Variants in RGS5 observed in about 807,000 individuals in gnomAD.
The protein encoded by RGS5 is regulator of G protein signaling 5, also known as regulator of G-protein signalling 5.
Under a neutral mutation model 18.9 loss-of-function variants are expected in RGS5, and 20 were observed. The observed-to-expected ratio is 1.06, with a 90% CI of 0.74 to 1.54. RGS5 has a LOEUF of 1.54. Ranked by LOEUF, RGS5 falls within the 40% of genes most tolerant of loss-of-function variation. RGS5 has a pLI of 0.00. For missense variants in RGS5, 201 were observed against 211.8 expected (o/e 0.95, Z 0.32); for synonymous variants, 57 against 76.2 (o/e 0.75, Z 1.31).
At chr1:163,291,196 A>G (rs1462930523) in intron 2 of RGS5, among the ~76,000 whole-genome samples, 1 of 151,976 alleles carries the variant, frequency 6.6e-6, no homozygotes, top group African/African-American at 2.4e-5. Context: ...TCAAATCTCT[A>G]ATGAAGCTTC....
At chr1:163,284,982 T>C (rs1007691138) in intron 2 of RGS5, among the ~76,000 whole-genome samples, 2 of 152,050 alleles carry the variant, frequency 1.3e-5, no homozygotes, top group African/African-American at 4.8e-5. Context: ...GGCCTCACAA[T>C]CATGGTAGCA....
intron 1 of RGS5, chr1:163,210,670 T>TTTATGTAAGTAA (rs1419331321): frequency 6.6e-6 from 1 of 152,242 alleles, no homozygotes; most frequent in Non-Finnish European, 1.5e-5. Context: ...TGCCTAAAAG[T>TTTATGTAAGTAA]GTTTATAACA....
In RGS5 at chr1:163,144,503, C is replaced by T. The variant is rs1264249276; in HGVS notation, c.*2839G>A. On this transcript the variant is annotated 3_prime_UTR_variant, in exon 5 of 5. Coordinates refer to ENST00000313961, the MANE Select transcript of RGS5 (RefSeq NM_003617.4). ...TATTTCCATTGACCACAATTTGGTT[C>T]CACCACCTTTCTACATCCTCAATTC... 1 of 152,458 alleles carries T rather than the reference C, an allele frequency of 6.6e-6. No individual in the cohort carries two copies. Among genetic ancestry groups the T allele is most frequent in the East Asian group, 1.9e-4 (1 of 5,182 alleles). The allele number at this position is 152,458 out of a possible 1,614,324, so 9.4% of individuals were successfully genotyped here.
intron 1 of RGS5, among the ~76,000 whole-genome samples, chr1:163,309,007 GCTT>G (rs2101647918): frequency 6.6e-6 from 1 of 152,230 alleles, no homozygotes; most frequent in African/African-American, 2.4e-5. Flanking sequence ...TCATCTTTTT[GCTT>G]ATAGAGGGTC....
At chr1:163,298,855 T>G (rs12725358) in intron 2 of RGS5, among the ~76,000 whole-genome samples, 22,511 of 152,188 alleles carry the variant, frequency 0.15, 1,980 homozygotes, top group Non-Finnish European at 0.19. Flanking sequence ...AAATGCTACA[T>G]TTTGAGGTTT....
Position 163,165,076 on chromosome 1 carries a change from C to T in RGS5, c.156-3100G>A, listed in dbSNP as rs377059672. Among the ~76,000 whole-genome samples, 6 of 152,262 alleles carry T rather than the reference C, an allele frequency of 3.9e-5. No homozygotes were observed. The East Asian group carries it at 7.7e-4, about 20-fold the overall frequency. On this transcript the variant is annotated intron_variant, in intron 2 of 4. Transcript: ENST00000313961. Reference sequence around the variant, plus strand: ...ATAACCAGTGGTGACCTGGGCATCACGGTTGGGCATACAGACTTAAGAACA... The same window carrying T: ...ATAACCAGTGGTGACCTGGGCATCATGGTTGGGCATACAGACTTAAGAACA...
intron 2 of RGS5, among the ~76,000 whole-genome samples, chr1:163,283,681 A>G (rs149838607): frequency 1.2e-4 from 18 of 152,272 alleles, no homozygotes; most frequent in African/African-American, 1.4e-4. Flanking sequence ...GGCTCACTCT[A>G]GAGACTCTCC....
At chr1:163,194,265 G>A (rs1347179391) in intron 1 of RGS5, among the ~76,000 whole-genome samples, 1 of 152,138 alleles carries the variant, frequency 6.6e-6, no homozygotes, top group Admixed American at 6.6e-5. Flanking sequence ...AGTCCACTGA[G>A]ATTTTTAAAC....
intron 2 of RGS5, among the ~76,000 whole-genome samples, chr1:163,228,304 C>A (rs1451294114): frequency 2.0e-5 from 3 of 152,244 alleles, no homozygotes; most frequent in African/African-American, 4.8e-5. Context: ...TGGAGGTTCC[C>A]AAACCTCAAT....
intron 2 of RGS5, among the ~76,000 whole-genome samples, chr1:163,299,877 T>A (rs1482732930): frequency 3.3e-5 from 5 of 152,216 alleles, no homozygotes; most frequent in Non-Finnish European, 2.9e-5. Context: ...CAGTGTTTTG[T>A]CACAATTTTT....
chr1:163,300,861 A>G (rs1475978458), intron 2 of RGS5, among the ~76,000 whole-genome samples: 1 of 152,244 alleles, frequency 6.6e-6, no homozygotes, highest in Non-Finnish European at 1.5e-5. Flanking sequence ...AGTGTGTCAC[A>G]GCTGTGCACT....
intron 1 of RGS5, among the ~76,000 whole-genome samples, chr1:163,179,236 C>A (rs12567772): frequency 0.2 from 30,852 of 152,082 alleles, 3,485 homozygotes; most frequent in African/African-American, 0.3. Context: ...CAAACTGCCC[C>A]GATTCATCTT....
At chr1:163,318,601 T>G (rs1321301030) in intron 1 of RGS5, among the ~76,000 whole-genome samples, 1 of 151,990 alleles carries the variant, frequency 6.6e-6, no homozygotes, top group Non-Finnish European at 1.5e-5. Flanking sequence ...GAGTGGACAG[T>G]GCTCACAGGG....
intron 1 of RGS5, chr1:163,211,475 T>G (rs1211262612): frequency 6.6e-6 from 1 of 152,144 alleles, no homozygotes; most frequent in East Asian, 1.9e-4. Context: ...GAGGAGGTGG[T>G]GAAGGCATAG....
upstream of RGS5, among the ~76,000 whole-genome samples, chr1:163,220,469 C>T (rs1306692814): frequency 2.0e-5 from 3 of 152,138 alleles, no homozygotes; most frequent in East Asian, 5.8e-4. Context: ...TCTGCAGTAG[C>T]TCCTCTTTTC....
chr1:163,201,626 G>T (rs1163968018), intron 1 of RGS5, among the ~76,000 whole-genome samples: 1 of 151,988 alleles, frequency 6.6e-6, no homozygotes, highest in Non-Finnish European at 1.5e-5. Flanking sequence ...AGTCTCCCTG[G>T]AGGTTTCATA....
At chr1:163,204,398 G>A (rs899379012), upstream of RGS5, among the ~76,000 whole-genome samples, 4 of 151,988 alleles carry the variant, frequency 2.6e-5, no homozygotes, top group Admixed American at 2.0e-4. Flanking sequence ...ACCAGAGACT[G>A]GAGTGAAGTG....
At chr1:163,270,447 A>G (rs1648690481) in intron 2 of RGS5, among the ~76,000 whole-genome samples, 1 of 151,638 alleles carries the variant, frequency 6.6e-6, no homozygotes, top group South Asian at 2.1e-4. Flanking sequence ...TTGAACCCAG[A>G]AGGTCAAGGC....
At chr1:163,302,522 T>C (rs572598554) in intron 2 of RGS5, among the ~76,000 whole-genome samples, 3 of 152,232 alleles carry the variant, frequency 2.0e-5, no homozygotes, top group Non-Finnish European at 4.4e-5. Flanking sequence ...GCTACTGGTA[T>C]GCATTGTCAC....
Sources: gnomAD v4.1 joint callset for allele counts (sites outside exome capture counted in the v4.1 genomes callset) on GRCh38, gnomAD v4.1.1 for gene constraint, MANE v1.5 for transcripts, NCBI Gene and HGNC (gene_info 2026-07-23, HGNC 2026-07-21) for gene names.